Variants in CLIP2 observed in about 807,000 individuals in gnomAD.
CLIP2 encodes the protein CAP-Gly domain-containing linker protein 2.
Under a neutral mutation model 111.7 loss-of-function variants are expected in CLIP2, and 41 were observed. That is an observed-to-expected ratio of 0.37 (90% CI 0.29 to 0.48). The LOEUF is 0.48. CLIP2 is among the 20% of genes least tolerant of loss of function. CLIP2 has a pLI of 0.99. For missense variants in CLIP2, 1,160 were observed against 1,422.1 expected (o/e 0.82, Z 2.96); for synonymous variants, 660 against 644.2 (o/e 1.02, Z -0.37).
At position 74,376,662 on chromosome 7, in the gene CLIP2, A is replaced by G. The variant is rs1790801030; in HGVS notation, c.2261A>G (p.Glu754Gly). 1 of 1,613,246 alleles carries G rather than the reference A, an allele frequency of 6.2e-7. No individual in the cohort carries two copies. ...GQAQAIEFLKEQISLAEKKML... is the reference protein window; with the variant it reads ...GQAQAIEFLKGQISLAEKKML... Reference sequence around the variant, plus strand: ...GCGCAGGCTATCGAGTTCCTCAAGGAGCAGATCTCGCTGGCCGAGAAGAAG... The same window carrying G: ...GCGCAGGCTATCGAGTTCCTCAAGGGGCAGATCTCGCTGGCCGAGAAGAAG... The change falls in exon 10 of 17, where the codon GAG becomes GGG. Residue 754 changes from glutamate (E) to glycine (G), a missense_variant. Physicochemically the swap from Glu to Gly is moderately conservative, Grantham distance 98. Coordinates refer to ENST00000223398, the MANE Select transcript of CLIP2 (RefSeq NM_003388.5). The surrounding 1 kb of genome is among the most constrained non-coding windows in gnomAD (Gnocchi z 7.1).
At chr7:74,335,584 C>T (rs1554731954) in intron 2 of CLIP2, among the ~76,000 whole-genome samples, 1 of 151,972 alleles carries the variant, frequency 6.6e-6, no homozygotes, top group African/African-American at 2.4e-5. Flanking sequence ...AAGTGATCCA[C>T]TTGCCTCAAC....
intron 2 of CLIP2, among the ~76,000 whole-genome samples, chr7:74,335,092 A>G (rs1789410678): frequency 6.6e-6 from 1 of 151,988 alleles, no homozygotes; most frequent in Admixed American, 6.6e-5. Context: ...CAAATCTGCA[A>G]GGTAAAAATA....
At chr7:74,328,079 G>A (rs1487691780) in intron 2 of CLIP2, among the ~76,000 whole-genome samples, 1 of 152,130 alleles carries the variant, frequency 6.6e-6, no homozygotes, top group Admixed American at 6.6e-5. Context: ...TGCTGCAGAG[G>A]CTGGGCCTGG....
intron 2 of CLIP2, among the ~76,000 whole-genome samples, chr7:74,334,836 A>T (rs926673334): frequency 6.6e-6 from 1 of 151,276 alleles, no homozygotes; most frequent in Non-Finnish European, 1.5e-5. Context: ...AAAAAAAAAA[A>T]AAATAGCCTG....
At chr7:74,351,468 A>G (rs1367022077) in intron 3 of CLIP2, among the ~76,000 whole-genome samples, 5 of 151,502 alleles carry the variant, frequency 3.3e-5, no homozygotes, top group African/African-American at 1.2e-4. Context: ...ATTTTCAGAT[A>G]TAGAAAGCTC....
chr7:74,316,201 AG>A (rs1272562676), intron 1 of CLIP2, among the ~76,000 whole-genome samples: 4 of 152,144 alleles, frequency 2.6e-5, no homozygotes, highest in Middle Eastern at 3.4e-3. Context: ...GTCCCTGCAA[AG>A]GACATCATCT....
In CLIP2 at chr7:74,380,581, C is replaced by T. The variant is rs1029807240; in HGVS notation, c.2422-225C>T. The stretch of plus-strand genomic sequence containing the variant: ...GGTATTCATGTATAAGCTGCACAGG[C>T]GGCCTTCAGCAGAGCTGGGTGCAGA... On this transcript the variant is annotated intron_variant, in intron 10 of 16. Transcript: ENST00000223398. 1.2e-5 allele frequency: 5 copies of T among 429,496 alleles called. No individual in the cohort carries two copies. In the East Asian group the frequency reaches 1.4e-4, roughly 12 times the overall value. 26.6% of individuals were successfully genotyped at this position (429,496 alleles called of 1,614,324 possible). A position where few individuals can be genotyped will look rare whatever the true frequency, so the allele number is the denominator to read the frequency against.
intron 8 of CLIP2, 116 bp downstream of exon 8, chr7:74,364,431 G>C: frequency 1.2e-6 from 1 of 812,798 alleles, no homozygotes; most frequent in Non-Finnish European, 2.0e-6. Context: ...AAGGGGCTGG[G>C]GGGGAAAATG....
At chr7:74,363,503 C>G (rs1319992979) in intron 7 of CLIP2, among the ~76,000 whole-genome samples, 5 of 152,212 alleles carry the variant, frequency 3.3e-5, no homozygotes, top group Admixed American at 2.6e-4. Context: ...ACAAGATCAA[C>G]AGCAAAGGAA....
chr7:74,346,718 C>CAAAAAAAAA (rs1214324954), intron 3 of CLIP2, among the ~76,000 whole-genome samples: 3 of 56,022 alleles, frequency 5.4e-5, no homozygotes, highest in African/African-American at 1.6e-4. Context: ...GTAAGATTCT[C>CAAAAAAAAA]AAAAAAAAAA....
At chr7:74,402,465 C>T (rs782265069) in intron 16 of CLIP2, among the ~76,000 whole-genome samples, 3 of 152,088 alleles carry the variant, frequency 2.0e-5, no homozygotes, top group Admixed American at 6.6e-5. Context: ...TGCAGTGAGC[C>T]GAGATCGCAC....
chr7:74,336,939 G>A (rs1490889651), intron 2 of CLIP2, among the ~76,000 whole-genome samples: 1 of 146,726 alleles, frequency 6.8e-6, no homozygotes, highest in African/African-American at 2.6e-5. Context: ...AGGCTGGAGT[G>A]CAGTGGTGCT....
chr7:74,370,445 G>A, intron 8 of CLIP2, among the ~76,000 whole-genome samples: 1 of 146,772 alleles, frequency 6.8e-6, no homozygotes, highest in Non-Finnish European at 1.5e-5. Flanking sequence ...AACAGAGCGA[G>A]ACTCCGTCTC....
chr7:74,364,776 A>G (rs1554310461), intron 8 of CLIP2: 1 of 447,300 alleles, frequency 2.2e-6, no homozygotes, highest in East Asian at 7.0e-5. Flanking sequence ...TAATCCCAGC[A>G]CTTCAGGAAG....
rs575031265 is a variant in CLIP2, at chr7:74,329,912, T to C, written c.122-8536T>C. Among the ~76,000 whole-genome samples the C allele has an allele frequency of 2.1e-3, 313 of 152,120 alleles. 1 individual carries two copies. The highest frequency in any genetic ancestry group is 6.8e-3 in the Middle Eastern group (2 of 294). Reference sequence around the variant, plus strand: ...CTCCTGCCTCAGCCTCCCGAGTAGCTGGGATTACAAGCGCGCGCCACCACA... The same window carrying C: ...CTCCTGCCTCAGCCTCCCGAGTAGCCGGGATTACAAGCGCGCGCCACCACA... On this transcript the variant is annotated intron_variant, in intron 2 of 16. Coordinates refer to ENST00000223398, the MANE Select transcript of CLIP2 (RefSeq NM_003388.5).
intron 13 of CLIP2, among the ~76,000 whole-genome samples, chr7:74,394,918 C>T (rs536559977): frequency 6.6e-6 from 1 of 152,320 alleles, no homozygotes; most frequent in South Asian, 2.1e-4. Flanking sequence ...TCCGAGGAAG[C>T]TTTCTGCCCT....
Position 74,376,168 on chromosome 7 carries a change from A to G in CLIP2, c.1767A>G (p.Ala589=), listed in dbSNP as rs782149131. The G allele has an allele frequency of 3.1e-6, 5 of 1,611,516 alleles. No homozygotes were observed. In the East Asian group the frequency reaches 6.7e-5, roughly 22 times the overall value. The change falls in exon 10 of 17, where the codon GCA becomes GCG. Residue 589 remains alanine, a synonymous_variant. Coordinates refer to ENST00000223398, the MANE Select transcript of CLIP2 (RefSeq NM_003388.5). This position sits in a 1 kb window ranked among gnomAD's most constrained non-coding sequence, Gnocchi z 7.1. Reference sequence around the variant, plus strand: ...TCCGCGCGGCCAACGAGAAGTACGCACAGGAGGTGGCGGGCCTGAAGGACA... The same window carrying G: ...TCCGCGCGGCCAACGAGAAGTACGCGCAGGAGGTGGCGGGCCTGAAGGACA... ...DKLRAANEKY[A]QEVAGLKDKV...
intron 1 of CLIP2, among the ~76,000 whole-genome samples, chr7:74,294,781 T>C (rs1788124347): frequency 6.6e-6 from 1 of 152,168 alleles, no homozygotes; most frequent in African/African-American, 2.4e-5. Context: ...TTCCTGACAA[T>C]GTAAACAATA....
In CLIP2 at chr7:74,335,302, TGAG is replaced by T. The variant is rs201859622; in HGVS notation, c.122-3142_122-3140del. 7.0e-4 allele frequency among the ~76,000 whole-genome samples: 105 copies of T among 149,810 alleles called. No homozygotes were observed. The East Asian group carries it at 0.015, about 21-fold the overall frequency. On this transcript the variant is annotated intron_variant, in intron 2 of 16. Transcript: ENST00000223398. ...AAAAAAAAAAAAGTGCCCTGTCCAT[TGAG>T]GAGCATGCAGTTGGCACTTCATAAA...
Sources: gnomAD v4.1 joint callset for allele counts (sites outside exome capture counted in the v4.1 genomes callset) on GRCh38, gnomAD v4.1.1 for gene constraint, Gnocchi (gnomAD v3.1) non-coding constraint, MANE v1.5 for transcripts, NCBI Gene and HGNC (gene_info 2026-07-23, HGNC 2026-07-21) for gene names.